GAD1: variants seen among roughly 807,000 people sequenced by gnomAD.
The protein encoded by GAD1 is 67 kDa glutamic acid decarboxylase.
In GAD1, 35 loss-of-function variants were observed where a neutral mutation model predicts 75.2. That is an observed-to-expected ratio of 0.47 (90% CI 0.36 to 0.62). The LOEUF is 0.62. GAD1 is among the 20% of genes least tolerant of loss of function. The pLI, the probability that GAD1 is intolerant of heterozygous loss-of-function variation, is 0.00. For synonymous variants in GAD1, 257 were observed against 271.9 expected (o/e 0.95, Z 0.54); for missense variants, 490 against 758.5 (o/e 0.65, Z 4.16).
At chr2:170,852,662 T>C in intron 12 of GAD1, 52 bp from the exon 13 acceptor site, 1 of 1,480,728 alleles carries the variant, frequency 6.8e-7, no homozygotes, top group Non-Finnish European at 9.4e-7. Context: ...AAGAGAACAG[T>C]TGCGTCTTTC....
chr2:170,836,886 A>G lies in GAD1; in HGVS notation c.638+3A>G, dbSNP rs748082365. The stretch of plus-strand genomic sequence containing the variant: ...ACATCAACGGCCAATACCAACATGT[A>G]AGTCTCATATGTTTTCATATAAGCA... On this transcript the variant is annotated splice_donor_region_variant and intron_variant, in intron 6 of 16. Coordinates refer to ENST00000358196, the MANE Select transcript of GAD1 (RefSeq NM_000817.3). 2.5e-6 allele frequency: 4 copies of G among 1,606,196 alleles called. No individual in the cohort carries two copies. The East Asian group carries it at 6.7e-5, about 27-fold the overall frequency.
chr2:170,823,723 C>T (rs1398864050), intron 3 of GAD1, among the ~76,000 whole-genome samples: 5 of 151,722 alleles, frequency 3.3e-5, no homozygotes, highest in South Asian at 2.1e-4. Flanking sequence ...CTTCGGCGGC[C>T]GCAGCGCTCG....
In GAD1 at chr2:170,818,630, G is replaced by T. The variant is rs929172235; in HGVS notation, c.39G>T (p.Ser13=). The T allele has an allele frequency of 1.2e-5, 19 of 1,613,982 alleles. No individual in the cohort carries two copies. Among genetic ancestry groups the T allele is most frequent in the Non-Finnish European group, 1.6e-5 (19 of 1,180,032 alleles). ...CCCCATCTTCGTCCGCAACCTCCTC[G>T]AACGCGGGAGCGGACCCCAATACCA... ...SSTPSSSATS[S]NAGADPNTTN... The change falls in exon 2 of 17, where the codon TCG becomes TCT. Residue 13 remains serine (S), a synonymous_variant. Coordinates refer to ENST00000358196, the MANE Select transcript of GAD1 (RefSeq NM_000817.3). The surrounding 1 kb of genome is among the most constrained non-coding windows in gnomAD (Gnocchi z 5.9).
intron 13 of GAD1, 177 bp downstream of exon 13, chr2:170,852,969 G>A (rs745568144): frequency 1.6e-5 from 11 of 677,076 alleles, no homozygotes; most frequent in Non-Finnish European, 2.7e-5. Context: ...TTCTTCTCTT[G>A]GCTCTTGCTG....
At chr2:170,855,534 C>A (rs1702832410) in intron 14 of GAD1, among the ~76,000 whole-genome samples, 1 of 150,548 alleles carries the variant, frequency 6.6e-6, no homozygotes, top group South Asian at 2.1e-4. Flanking sequence ...TAGAAATAGT[C>A]TGAATTTGAT....
intron 1 of GAD1, chr2:170,817,397 C>G (rs1356210196): frequency 3.3e-5 from 5 of 152,290 alleles, no homozygotes; most frequent in Non-Finnish European, 7.3e-5. Flanking sequence ...CAGCAGCAGC[C>G]GAAGGCGCTA....
chr2:170,825,086 G>A (rs1299559037), intron 3 of GAD1, among the ~76,000 whole-genome samples: 1 of 152,032 alleles, frequency 6.6e-6, no homozygotes, highest in Admixed American at 6.6e-5. Context: ...GGTGCTGTTA[G>A]CCCAAGAAAA....
Position 170,861,025 on chromosome 2 carries a change from A to G in GAD1, c.*1143A>G, listed in dbSNP as rs1354918350. 1 of 152,682 alleles carries G rather than the reference A, an allele frequency of 6.5e-6. No homozygotes were observed. The allele number at this position is 152,682 out of a possible 1,614,324, so 9.5% of individuals were successfully genotyped here. On this transcript the variant is annotated 3_prime_UTR_variant, in exon 17 of 17. Transcript: ENST00000358196. The stretch of plus-strand genomic sequence containing the variant: ...GGCAACATTTCCGAAGACCTTCTGA[A>G]GATCTCAGATAAAGTGACCAGGCTC...
intron 16 of GAD1, 93 bp downstream of exon 16, chr2:170,858,986 A>G (rs140480014): frequency 8.3e-4 from 932 of 1,128,436 alleles, no homozygotes; most frequent in Non-Finnish European, 1.2e-3. Flanking sequence ...AGTGGGGGAA[A>G]TATAAAAAAT....
chr2:170,832,140 G>T (rs1417139274), intron 5 of GAD1, among the ~76,000 whole-genome samples: 1 of 152,028 alleles, frequency 6.6e-6, no homozygotes, highest in Non-Finnish European at 1.5e-5. Flanking sequence ...CTCCCTTTCT[G>T]TATTAGTTTC....
At position 170,827,852 on chromosome 2, in the gene GAD1, C is replaced by T. The variant is rs529169409; in HGVS notation, c.146-1623C>T. ...GTACTTATAGAATTAAATGGCAACA[C>T]AGAAGATTGAAGCTTTTTTTTGTCT... On this transcript the variant is annotated intron_variant, in intron 3 of 16. Transcript: ENST00000358196. Among the ~76,000 whole-genome samples the T allele has an allele frequency of 7.0e-4, 106 of 152,264 alleles. 1 individual carries two copies. The Middle Eastern group carries it at 0.01, about 15-fold the overall frequency.
intron 7 of GAD1, 60 bp from the exon 8 acceptor site, chr2:170,845,446 G>A: frequency 2.7e-6 from 4 of 1,455,612 alleles, no homozygotes; most frequent in Non-Finnish European, 3.9e-6. Context: ...CTCAGCGTTC[G>A]TTTTTAGAAA....
intron 5 of GAD1, among the ~76,000 whole-genome samples, chr2:170,832,601 TAGGCCAAAAAGACACATGCACACAC>T (rs1480973618): frequency 4.6e-5 from 7 of 152,052 alleles, no homozygotes; most frequent in South Asian, 2.1e-4. Flanking sequence ...TTTTACCAGC[TAGGCCAAAAAGACACATGCACACAC>T]AGGCCAAAAA....
At chr2:170,828,351 C>T (rs1350318105) in intron 3 of GAD1, among the ~76,000 whole-genome samples, 2 of 140,130 alleles carry the variant, frequency 1.4e-5, no homozygotes, top group Non-Finnish European at 3.1e-5. Flanking sequence ...CCTCCCTCTG[C>T]TGTCCTCATC....
intron 6 of GAD1, chr2:170,842,599 A>G: frequency 1.2e-6 from 2 of 1,614,016 alleles, no homozygotes; most frequent in Non-Finnish European, 1.7e-6. Flanking sequence ...GTTGGTTGCT[A>G]CGGTGATGGG....
chr2:170,832,600 CT>C (rs1702257921), intron 5 of GAD1, among the ~76,000 whole-genome samples: 1 of 152,058 alleles, frequency 6.6e-6, no homozygotes, highest in Admixed American at 6.6e-5. Context: ...CTTTTACCAG[CT>C]AGGCCAAAAA....
rs775421643 is a variant in GAD1 at position 170,818,543 on chromosome 2, G to A, written c.-49G>A. On this transcript the variant is annotated 5_prime_UTR_variant, in exon 2 of 17. Transcript: ENST00000358196. This position sits in a 1 kb window ranked among gnomAD's most constrained non-coding sequence, Gnocchi z 5.9. ...TCTCTTTGCAGCCTGTTTCTGCGCC[G>A]GACCAGTCGAGGACTCTGGACAGTA... The A allele has an allele frequency of 5.2e-6, 8 of 1,539,078 alleles. No homozygotes were observed. The highest frequency in any genetic ancestry group is 1.7e-5 in the Admixed American group (1 of 59,922).
At chr2:170,836,399 A>C (rs1460129379) in intron 5 of GAD1, among the ~76,000 whole-genome samples, 5 of 152,170 alleles carry the variant, frequency 3.3e-5, no homozygotes, top group Non-Finnish European at 5.9e-5. Flanking sequence ...TTCACCAACA[A>C]CTGAATGAGT....
At chr2:170,844,810 AAAG>A (rs1347081783) in intron 7 of GAD1, among the ~76,000 whole-genome samples, 1 of 152,238 alleles carries the variant, frequency 6.6e-6, no homozygotes, top group Non-Finnish European at 1.5e-5. Context: ...TACAAGGGGA[AAAG>A]AAGAAATAAG....
Sources: allele counts gnomAD v4.1 joint callset (sites outside exome capture counted in the v4.1 genomes callset), GRCh38; gene constraint gnomAD v4.1.1; non-coding constraint Gnocchi (gnomAD v3.1); transcripts MANE v1.5; gene names NCBI Gene and HGNC (gene_info 2026-07-23, HGNC 2026-07-21).